Variants in MIB1 observed in about 807,000 individuals in gnomAD.
MIB1 encodes MIB E3 ubiquitin protein ligase 1.
In MIB1, 278 loss-of-function variants were observed where a neutral mutation model predicts 124.5. That is an observed-to-expected ratio of 2.23 (90% CI 2.02 to 2.47). The LOEUF is 2.47. MIB1 is among the 30% of genes most tolerant of loss of function. The pLI, the probability that MIB1 is intolerant of heterozygous loss-of-function variation, is 0.00. For missense variants in MIB1, 957 were observed against 1,254.4 expected (o/e 0.76, Z 3.58); for synonymous variants, 446 against 429.4 (o/e 1.04, Z -0.48).
intron 12 of MIB1, chr18:21,828,437 T>C (rs2041947011): frequency 6.6e-6 from 1 of 152,000 alleles, no homozygotes; most frequent in Non-Finnish European, 1.5e-5. Context: ...AGGGCCACTA[T>C]GTTTGTAGCT....
At chr18:21,803,556 G>A (rs998945375) in intron 9 of MIB1, among the ~76,000 whole-genome samples, 1 of 152,044 alleles carries the variant, frequency 6.6e-6, no homozygotes, top group Non-Finnish European at 1.5e-5. Flanking sequence ...TTTCACTTCA[G>A]TGCTTTTTTT....
intron 6 of MIB1, among the ~76,000 whole-genome samples, chr18:21,786,014 C>T (rs1333808980): frequency 6.6e-6 from 1 of 151,324 alleles, no homozygotes; most frequent in Non-Finnish European, 1.5e-5. Flanking sequence ...ATTTCCTTCT[C>T]TTCTATTGCT....
chr18:21,835,840 A>ACACACACACACAAAC, intron 12 of MIB1, among the ~76,000 whole-genome samples: 1 of 108,062 alleles, frequency 9.3e-6, no homozygotes, highest in East Asian at 2.7e-4. Context: ...CACACACACA[A>ACACACACACACAAAC]ACACACACGA....
intron 1 of MIB1, among the ~76,000 whole-genome samples, chr18:21,758,419 T>TA (rs2041059147): frequency 1.3e-5 from 2 of 152,224 alleles, no homozygotes; most frequent in South Asian, 4.1e-4. Flanking sequence ...TACTTTTTGT[T>TA]ACATTTGATT....
chr18:21,717,663 G>A (rs942398089), intron 1 of MIB1, among the ~76,000 whole-genome samples: 1 of 152,052 alleles, frequency 6.6e-6, no homozygotes, highest in Non-Finnish European at 1.5e-5. Flanking sequence ...CATCACTAAT[G>A]GTCAGGGAAA....
chr18:21,810,164 A>C (rs567771792), intron 10 of MIB1, among the ~76,000 whole-genome samples: 9 of 152,224 alleles, frequency 5.9e-5, no homozygotes, highest in African/African-American at 2.2e-4. Flanking sequence ...CATAAGAATA[A>C]AATACTTAGG....
chr18:21,807,089 C>T (rs1385360829), intron 10 of MIB1, among the ~76,000 whole-genome samples: 1 of 152,114 alleles, frequency 6.6e-6, no homozygotes, highest in Admixed American at 6.5e-5. Flanking sequence ...ATTAAGAACA[C>T]AGTTTCCCAA....
At chr18:21,788,653 T>A (rs2041466037) in intron 6 of MIB1, among the ~76,000 whole-genome samples, 1 of 151,960 alleles carries the variant, frequency 6.6e-6, no homozygotes, top group Non-Finnish European at 1.5e-5. Context: ...AAGGAAGAAG[T>A]AAAAGAAAAA....
chr18:21,785,023 A>G (rs2041418448), intron 6 of MIB1, among the ~76,000 whole-genome samples: 1 of 152,192 alleles, frequency 6.6e-6, no homozygotes, highest in Admixed American at 6.5e-5. Flanking sequence ...AGAATTAGTG[A>G]AAGTATTAAA....
chr18:21,811,026 ACT>A (rs2041767442), intron 10 of MIB1, among the ~76,000 whole-genome samples: 1 of 152,252 alleles, frequency 6.6e-6, no homozygotes, highest in South Asian at 2.1e-4. Context: ...GACTCTTAAA[ACT>A]CTACATCAAG....
chr18:21,713,380 G>A (rs2040674047), intron 1 of MIB1, among the ~76,000 whole-genome samples: 1 of 146,484 alleles, frequency 6.8e-6, no homozygotes, highest in African/African-American at 2.6e-5. Flanking sequence ...GGGAGGCCGA[G>A]ACAGGTGGAT....
rs1259014014 is a variant in MIB1 at position 21,740,881 on chromosome 18, A to G, written c.-703A>G. On this transcript the variant is annotated 5_prime_UTR_variant, in exon 1 of 21. Transcript: ENST00000261537. The stretch of plus-strand genomic sequence containing the variant: ...TCTCTGGAAGCCTTCCCACTCTATT[A>G]TTGCCGAGGATCCCCCTCCTAGACA... 6.6e-6 allele frequency among the ~76,000 whole-genome samples: 1 copy of G among 152,162 alleles called. No homozygotes were observed. The highest frequency in any genetic ancestry group is 2.4e-5 in the African/African-American group (1 of 41,460).
intron 15 of MIB1, among the ~76,000 whole-genome samples, chr18:21,845,194 T>C (rs1174090201): frequency 6.6e-6 from 1 of 152,014 alleles, no homozygotes; most frequent in African/African-American, 2.4e-5. Context: ...GTATTGTTTT[T>C]AGTGGAGACG....
chr18:21,825,861 T>C, intron 12 of MIB1: 1 of 404,272 alleles, frequency 2.5e-6, no homozygotes, highest in South Asian at 1.7e-5. Flanking sequence ...CTTCTACAAG[T>C]GTTAGAAATT....
rs931433179 is a variant in MIB1, at chr18:21,740,821, A to C, written c.-763A>C. The stretch of plus-strand genomic sequence containing the variant: ...GACCCTGGAGAGACGCTTAGGGATC[A>C]GTTTTCTCCTCCTTTCTTCCCGCGA... On this transcript the variant is annotated 5_prime_UTR_variant, in exon 1 of 21. Transcript: ENST00000261537. 1.3e-5 allele frequency among the ~76,000 whole-genome samples: 2 copies of C among 152,238 alleles called. No individual in the cohort carries two copies. Among genetic ancestry groups the C allele is most frequent in the Non-Finnish European group, 2.9e-5 (2 of 68,042 alleles).
intron 1 of MIB1, among the ~76,000 whole-genome samples, chr18:21,747,513 G>A (rs2040924702): frequency 6.6e-6 from 1 of 152,200 alleles, no homozygotes; most frequent in Admixed American, 6.5e-5. Context: ...TACTTGAGAT[G>A]CCCTGCGTTT....
At chr18:21,805,467 G>T (rs2041693529) in intron 10 of MIB1, among the ~76,000 whole-genome samples, 1 of 152,104 alleles carries the variant, frequency 6.6e-6, no homozygotes. Flanking sequence ...TAGGAACCTA[G>T]TGTGTGTTAC....
In MIB1 at chr18:21,716,279, A is replaced by G. The variant is rs1031327539; in HGVS notation, n.167+11156A>G. On this transcript the variant is annotated intron_variant and non_coding_transcript_variant, in intron 1 of 20. Transcript: ENST00000578646. Reference sequence around the variant, plus strand: ...CAGCAAAACTAAGCTTCATAAATGAAGGAAAGATACAGTCTTTTTCAGATA... The same window carrying G: ...CAGCAAAACTAAGCTTCATAAATGAGGGAAAGATACAGTCTTTTTCAGATA... Among the ~76,000 whole-genome samples, 10 of 152,334 alleles carry G rather than the reference A, an allele frequency of 6.6e-5. No individual in the cohort carries two copies. The East Asian group carries it at 1.9e-3, about 29-fold the overall frequency.
intron 1 of MIB1, among the ~76,000 whole-genome samples, chr18:21,713,613 A>AG (rs2040675596): frequency 1.7e-5 from 1 of 59,794 alleles, no homozygotes; most frequent in Non-Finnish European, 2.8e-5. Flanking sequence ...ATTCTGTCTC[A>AG]AAAAAAAAAA....
Sources: gnomAD v4.1 joint callset for allele counts (sites outside exome capture counted in the v4.1 genomes callset) on GRCh38, gnomAD v4.1.1 for gene constraint, MANE v1.5 for transcripts, NCBI Gene and HGNC (gene_info 2026-07-23, HGNC 2026-07-21) for gene names.